Variants in OTUD7B observed in about 807,000 individuals in gnomAD.
The protein encoded by OTUD7B is OTU deubiquitinase 7B, also known as OTU domain-containing protein 7B.
OTUD7B carries 34 observed loss-of-function variants against 82.2 expected under a neutral mutation model. That is an observed-to-expected ratio of 0.41 (90% confidence interval 0.31 to 0.55). OTUD7B has a LOEUF of 0.55. Ranked by LOEUF, OTUD7B falls within the 20% of genes least tolerant of loss-of-function variation. The pLI is 0.20. For synonymous variants in OTUD7B, 398 were observed against 402.7 expected (o/e 0.99, Z 0.14); for missense variants, 944 against 1,062.1 (o/e 0.89, Z 1.55).
At chr1:150,030,449 C>T in the OTUD7B span, among the ~76,000 whole-genome samples, 4 of 152,180 alleles carry the variant, frequency 2.6e-5, no homozygotes, top group Non-Finnish European at 4.4e-5. Flanking sequence ...AGTTTTATCC[C>T]CTTCTGCTTC....
the OTUD7B span, among the ~76,000 whole-genome samples, chr1:150,056,923 G>T: frequency 6.6e-6 from 1 of 152,250 alleles, no homozygotes; most frequent in East Asian, 1.9e-4. Flanking sequence ...AGTATGATGA[G>T]AAACAGAATA....
rs781919888 is a variant in OTUD7B, at chr1:149,965,849, G to C, written c.532C>G (p.Pro178Ala). The C allele has an allele frequency of 1.2e-6, 2 of 1,614,072 alleles. No homozygotes were observed. The highest frequency in any genetic ancestry group is 8.5e-7 in the Non-Finnish European group (1 of 1,179,928). The change falls in exon 5 of 12, where the codon CCC (proline) becomes GCC (alanine). Residue 178 changes from proline (P) to alanine (A), a missense_variant. Physicochemically the swap from Pro to Ala is conservative, Grantham distance 27 (BLOSUM62 -1). Coordinates refer to ENST00000581312, the MANE Select transcript of OTUD7B (RefSeq NM_020205.4). The stretch of plus-strand genomic sequence containing the variant: ...AAAGGAAGCAGCCTCTGAGAGGTGG[G>C]ATCCACACTCACCCACCAGTTCAAA... ...GRLNWWVSVDPTSQRLLPLAT... is the reference protein window; with the variant it reads ...GRLNWWVSVDATSQRLLPLAT...
chr1:149,995,489 G>C (rs1228214178), intron 1 of OTUD7B, among the ~76,000 whole-genome samples: 1 of 151,992 alleles, frequency 6.6e-6, no homozygotes, highest in Non-Finnish European at 1.5e-5. Flanking sequence ...TGAGCCAGGG[G>C]AATCGCTTGA....
chr1:150,007,849 T>C (rs1219075559), intron 1 of OTUD7B, among the ~76,000 whole-genome samples: 1 of 152,196 alleles, frequency 6.6e-6, no homozygotes, highest in Non-Finnish European at 1.5e-5. Context: ...ATTCCACAGC[T>C]CCTAAGTTCC....
intron 1 of OTUD7B, among the ~76,000 whole-genome samples, 152 bp from the exon 2 acceptor site, chr1:149,977,728 G>C (rs1219252233): frequency 3.3e-5 from 5 of 152,180 alleles, no homozygotes; most frequent in Non-Finnish European, 5.9e-5. Context: ...ATTATGAAGA[G>C]TAACATTTTA....
chr1:149,986,200 G>A (rs587661075), intron 1 of OTUD7B, among the ~76,000 whole-genome samples: 20 of 150,620 alleles, frequency 1.3e-4, no homozygotes, highest in African/African-American at 4.9e-4. Context: ...GGCAATTTTT[G>A]TTCAGATGAA....
rs1571626621 is a variant in OTUD7B at position 149,960,389 on chromosome 1, C to CATTT, written c.733-594_733-593insAAAT. 5.6e-3 allele frequency among the ~76,000 whole-genome samples: 23 copies of CATTT among 4,126 alleles called. No homozygotes were observed. The East Asian group carries it at 0.16, about 29-fold the overall frequency. The allele number at this position is 4,126 out of a possible 152,430, so 2.7% of individuals were successfully genotyped here. On this transcript the variant is annotated intron_variant, in intron 6 of 11. Transcript: ENST00000581312. ...ATTTCTTTTCTTTTTCTTTTCTTTCCTTTTTTTCTTTTTTTTTTTTTTGTA... is the reference window on the plus strand; with the variant it reads ...ATTTCTTTTCTTTTTCTTTTCTTTCCATTTTTTTTTTCTTTTTTTTTTTTTTGTA...
chr1:150,025,040 T>G, the OTUD7B span, among the ~76,000 whole-genome samples: 4 of 148,876 alleles, frequency 2.7e-5, no homozygotes, highest in African/African-American at 9.9e-5. Context: ...AGAGTGAGAC[T>G]CTGTCTCAAA....
In OTUD7B at chr1:149,939,358, G is replaced by C. The variant is rs1261969731; in HGVS notation, c.*4499C>G. ...CCCCTTACCCACTTGGCCAATGCAA[G>C]AGATGGCACAGAGAAAGTCTACATG... On this transcript the variant is annotated 3_prime_UTR_variant, in exon 12 of 12. Coordinates refer to ENST00000581312, the MANE Select transcript of OTUD7B (RefSeq NM_020205.4). 2 of 152,246 alleles carry C rather than the reference G, an allele frequency of 1.3e-5. No homozygotes were observed. The highest frequency in any genetic ancestry group is 4.8e-5 in the African/African-American group (2 of 41,438). 9.4% of individuals were successfully genotyped at this position (152,246 alleles called of 1,614,324 possible). A position where few individuals can be genotyped will look rare whatever the true frequency, so the allele number is the denominator to read the frequency against.
Position 149,959,714 on chromosome 1 carries a change from T to C in OTUD7B, c.815A>G (p.His272Arg), listed in dbSNP as rs781963434. ...ACAGTTGGCTCCATTGGTACCTAGATGCATTCGGGGTTCACTTGAGGCAAG... is the reference window on the plus strand; with the variant it reads ...ACAGTTGGCTCCATTGGTACCTAGACGCATTCGGGGTTCACTTGAGGCAAG... Reference protein sequence around the residue: ...IKLASSEPRMHLGTNGANCGG... With the variant: ...IKLASSEPRMRLGTNGANCGG... The change falls in exon 7 of 12, where the codon CAT (histidine) becomes CGT (arginine). Residue 272 changes from histidine to arginine, a missense_variant. Around this residue, in one of 3 missense-constraint regions of OTUD7B, gnomAD observed 530 missense variants for 625.6 expected, o/e 0.85. Coordinates refer to ENST00000581312, the MANE Select transcript of OTUD7B (RefSeq NM_020205.4). 1.9e-6 allele frequency: 3 copies of C among 1,613,778 alleles called. No individual in the cohort carries two copies. Among genetic ancestry groups the C allele is most frequent in the Non-Finnish European group, 2.5e-6 (3 of 1,179,670 alleles).
upstream of OTUD7B, among the ~76,000 whole-genome samples, chr1:150,015,041 T>G (rs1280910215): frequency 2.0e-5 from 3 of 152,170 alleles, no homozygotes; most frequent in Non-Finnish European, 4.4e-5. Flanking sequence ...TTAGCTAAGT[T>G]TACCATTTTG....
At position 149,944,938 on chromosome 1, in the gene OTUD7B, C is replaced by A; in HGVS notation, c.1451G>T (p.Arg484Leu). The A allele has an allele frequency of 6.2e-7, 1 of 1,614,164 alleles. No homozygotes were observed. Among genetic ancestry groups the A allele is most frequent in the Non-Finnish European group, 8.5e-7 (1 of 1,180,046 alleles). The change falls in exon 12 of 12, where the codon CGG becomes CTG. Residue 484 changes from arginine (R) to leucine (L), a missense_variant. By Grantham distance (102) the Arg-to-Leu change is moderately radical. Transcript: ENST00000581312. ...CCGATCTCGCTTTGACTTCTCCTTC[C>A]GCCGGCCGCCCTCGTTGCTGGTGGA... is the stretch of plus-strand genomic sequence containing the variant. ...SSSTSNEGGR[R>L]KEKSKRDREK...
Position 149,977,552 on chromosome 1 carries a change from C to G in OTUD7B, c.-42G>C. The G allele has an allele frequency of 2.0e-6, 3 of 1,480,458 alleles. No homozygotes were observed. The East Asian group carries it at 6.8e-5, about 33-fold the overall frequency. 91.7% of individuals were successfully genotyped at this position (1,480,458 alleles called of 1,614,324 possible). A position where few individuals can be genotyped will look rare whatever the true frequency, so the allele number is the denominator to read the frequency against. ...TTCAGCCAGCTGGATGTAGGTAGAA[C>G]ATAGATCAAAATTCAGGCCTCCACC... On this transcript the variant is annotated 5_prime_UTR_variant, in exon 2 of 12. The change abolishes an upstream ATG in the 5' untranslated region. Coordinates refer to ENST00000581312, the MANE Select transcript of OTUD7B (RefSeq NM_020205.4).
chr1:150,061,656 C>G, the OTUD7B span, among the ~76,000 whole-genome samples: 2 of 152,194 alleles, frequency 1.3e-5, no homozygotes, highest in Non-Finnish European at 2.9e-5. Flanking sequence ...TGCCCAGGGG[C>G]TCTGGCTGCC....
At position 149,944,708 on chromosome 1, in the gene OTUD7B, C is replaced by A. The variant is rs200706504; in HGVS notation, c.1681G>T (p.Gly561Cys). The A allele has an allele frequency of 6.2e-7, 1 of 1,613,748 alleles. No individual in the cohort carries two copies. Among genetic ancestry groups the A allele is most frequent in the African/African-American group, 1.3e-5 (1 of 74,878 alleles). ...TCCCCAGCTGCCTCCTCCTTGCCAC[C>A]CTTCCAGCTCTTCAGTGAGTTTTTC... Reference protein sequence around the residue: ...KKKNSLKSWKGGKEEAAGDGP... With the variant: ...KKKNSLKSWKCGKEEAAGDGP... The change falls in exon 12 of 12, where the codon GGT (glycine) becomes TGT (cysteine). Residue 561 changes from glycine to cysteine, a missense_variant. Physicochemically the swap from Gly to Cys is radical, Grantham distance 159. Coordinates refer to ENST00000581312, the MANE Select transcript of OTUD7B (RefSeq NM_020205.4).
chr1:149,982,745 C>G (rs1330585951), intron 1 of OTUD7B, among the ~76,000 whole-genome samples: 1 of 152,000 alleles, frequency 6.6e-6, no homozygotes, highest in Non-Finnish European at 1.5e-5. Flanking sequence ...CAAACCTGGA[C>G]CCTGCCATGT....
At chr1:149,945,129 G>A (rs1553771839) in intron 11 of OTUD7B, 64 bp from the exon 12 acceptor site, 17 of 1,553,456 alleles carry the variant, frequency 1.1e-5, no homozygotes, top group Admixed American at 3.7e-5. Flanking sequence ...AATCCCCCAG[G>A]GACCTCTAGC....
the OTUD7B span, among the ~76,000 whole-genome samples, chr1:150,042,587 C>A: frequency 6.6e-6 from 1 of 152,220 alleles, no homozygotes; most frequent in South Asian, 2.1e-4. Context: ...ACCCAGAGAA[C>A]TAGTCCTCCA....
chr1:149,945,003 A>C lies in OTUD7B; in HGVS notation c.1386T>G (p.Pro462=). ...ASAGDEPRST[P]ESGDSDKESV... is the part of the protein sequence containing the mutation. ...ACTCCTTGTCTGAGTCTCCAGACTC[A>C]GGAGTGGACCGGGGCTCATCTCCAG... The change falls in exon 12 of 12, where the codon CCT becomes CCG. Residue 462 remains proline (P), a synonymous_variant. Transcript: ENST00000581312. 1.2e-6 allele frequency: 2 copies of C among 1,614,172 alleles called. No homozygotes were observed. The highest frequency in any genetic ancestry group is 1.7e-6 in the Non-Finnish European group (2 of 1,180,040).
Sources: allele counts gnomAD v4.1 joint callset (sites outside exome capture counted in the v4.1 genomes callset), GRCh38; gene constraint gnomAD v4.1.1; regional missense constraint gnomAD v4.1.1; transcripts MANE v1.5; gene names NCBI Gene and HGNC (gene_info 2026-07-23, HGNC 2026-07-21).